NADK: variants seen among roughly 807,000 people sequenced by gnomAD.
NADK encodes the protein NAD kinase.
A neutral mutation model predicts 49.8 loss-of-function variants in NADK; 22 were observed. The observed-to-expected ratio is 0.44, with a 90% CI of 0.32 to 0.63. The LOEUF (loss-of-function observed/expected upper bound fraction) is 0.63, where lower values mean the gene tolerates loss of function less well. Ranked by LOEUF, NADK falls within the 30% of genes least tolerant of loss-of-function variation. NADK has a pLI of 0.06. For missense variants in NADK, 438 were observed against 609.4 expected, an observed-to-expected ratio of 0.72 and a Z score of 2.96; for synonymous variants, 268 against 253.7, an observed-to-expected ratio of 1.06 and a Z score of -0.54.
chr1:1,770,044 G>A (rs1646001687), intron 1 of NADK, among the ~76,000 whole-genome samples: 1 of 152,132 alleles, frequency 6.6e-6, no homozygotes, highest in East Asian at 1.9e-4. Context: ...GTGGGCACCT[G>A]TAACTCCAGC....
In NADK at chr1:1,771,802, AT is replaced by A. The variant is rs199519336; in HGVS notation, c.-40-6357del. On this transcript the variant is annotated intron_variant, in intron 1 of 11. Transcript: ENST00000341426. ...AACTTTTTAGAAGAAAGCACTGGAA[AT>A]TTTTTTTTTTTTGTCTTTTTGTGAG... Among the ~76,000 whole-genome samples, 1,421 of 146,918 alleles carry A rather than the reference AT, an allele frequency of 9.7e-3. 26 individuals are homozygous for A. Among genetic ancestry groups the A allele is most frequent in the African/African-American group, 0.032 (1,273 of 40,180 alleles).
chr1:1,762,944 T>C (rs1645773310), intron 2 of NADK, among the ~76,000 whole-genome samples: 1 of 152,244 alleles, frequency 6.6e-6, no homozygotes, highest in South Asian at 2.1e-4. Context: ...GGTCCAGCAC[T>C]GAGGCTGCCC....
intron 1 of NADK, among the ~76,000 whole-genome samples, chr1:1,767,260 G>A (rs1301671232): frequency 6.6e-6 from 1 of 152,172 alleles, no homozygotes; most frequent in East Asian, 1.9e-4. Context: ...ACCAGGAAGA[G>A]ATAGAAACAA....
intron 2 of NADK, among the ~76,000 whole-genome samples, chr1:1,762,486 T>C (rs1047914346): frequency 7.9e-5 from 12 of 152,230 alleles, no homozygotes; most frequent in Non-Finnish European, 1.5e-4. Context: ...CCGGGCGCAG[T>C]GGCTCACACT....
At position 1,761,827 on chromosome 1, in the gene NADK, C is replaced by T. The variant is rs530942459; in HGVS notation, c.263+125G>A. The T allele has an allele frequency of 1.3e-3, 1,062 of 821,758 alleles. 4 individuals carry two copies. In the Middle Eastern group the frequency reaches 0.015, roughly 12 times the overall value. The allele number at this position is 821,758 out of a possible 1,614,324, so 50.9% of individuals were successfully genotyped here. A position where few individuals can be genotyped will look rare whatever the true frequency, so the allele number is the denominator to read the frequency against. On this transcript the variant is annotated intron_variant, in intron 3 of 11. Coordinates refer to ENST00000341426, the MANE Select transcript of NADK (RefSeq NM_023018.5). ...TGAAGTGCTAGAATCTTCCTCAACA[C>T]AGCGATCCCACAACTCCACACACAT...
chr1:1,773,292 G>A (rs564970964), intron 1 of NADK, among the ~76,000 whole-genome samples: 2 of 150,628 alleles, frequency 1.3e-5, no homozygotes, highest in African/African-American at 4.9e-5. Flanking sequence ...GGTGCCCGCC[G>A]CCACACCCGG....
chr1:1,759,143 T>C (rs1378004763), intron 3 of NADK: 1 of 1,556,078 alleles, frequency 6.4e-7, no homozygotes, highest in South Asian at 1.2e-5. Flanking sequence ...GAGGCTCAGC[T>C]GAGCCCAGCC....
intron 1 of NADK, among the ~76,000 whole-genome samples, chr1:1,771,099 TA>T (rs1646039313): frequency 6.8e-6 from 1 of 146,576 alleles, no homozygotes; most frequent in South Asian, 2.1e-4. Context: ...CATATATTAT[TA>T]AAAATATATA....
chr1:1,767,059 C>A (rs151204494), intron 1 of NADK, among the ~76,000 whole-genome samples: 1 of 152,148 alleles, frequency 6.6e-6, no homozygotes, highest in East Asian at 1.9e-4. Context: ...GGACTACAGG[C>A]GTGCGCCACC....
At chr1:1,762,920 G>A (rs554073839) in intron 2 of NADK, among the ~76,000 whole-genome samples, 2 of 152,334 alleles carry the variant, frequency 1.3e-5, no homozygotes, top group East Asian at 3.9e-4. Context: ...TGTCAGGACC[G>A]CTGTGCTCCT....
At chr1:1,756,788 A>G in intron 4 of NADK, 180 bp from the exon 5 acceptor site, 1 of 1,113,562 alleles carries the variant, frequency 9.0e-7, no homozygotes, top group Non-Finnish European at 1.4e-6. Flanking sequence ...CCTTTAAGAG[A>G]TGACTGGGCG....
intron 1 of NADK, among the ~76,000 whole-genome samples, chr1:1,767,489 C>T (rs1645922315): frequency 6.6e-6 from 1 of 152,160 alleles, no homozygotes; most frequent in African/African-American, 2.4e-5. Context: ...ATAAAACAAG[C>T]TTCAGAAGAA....
At chr1:1,755,211 G>A (rs1645475245) in intron 7 of NADK, among the ~76,000 whole-genome samples, 163 bp downstream of exon 7, 1 of 152,224 alleles carries the variant, frequency 6.6e-6, no homozygotes, top group African/African-American at 2.4e-5. Context: ...ACTTCTCAGT[G>A]TCAGTAAAAG....
intron 1 of NADK, among the ~76,000 whole-genome samples, chr1:1,773,639 AT>A (rs1017973379): frequency 2.8e-4 from 43 of 151,694 alleles, no homozygotes; most frequent in African/African-American, 3.6e-4. Flanking sequence ...GTTAAAAAAA[AT>A]GTATTATTAC....
chr1:1,765,817 G>A (rs564871486), intron 1 of NADK, among the ~76,000 whole-genome samples: 21 of 152,192 alleles, frequency 1.4e-4, no homozygotes, highest in Non-Finnish European at 2.8e-4. Context: ...GACTGAGGCA[G>A]GAGAATCGCT....
intron 1 of NADK, among the ~76,000 whole-genome samples, chr1:1,767,959 G>A (rs1319338843): frequency 2.0e-5 from 3 of 152,070 alleles, no homozygotes; most frequent in African/African-American, 7.2e-5. Flanking sequence ...GATCATCTGA[G>A]GTCAGGAGCT....
chr1:1,753,961 G>C, intron 10 of NADK, 90 bp downstream of exon 10: 2 of 1,462,500 alleles, frequency 1.4e-6, no homozygotes, highest in South Asian at 1.3e-5. Flanking sequence ...GCTGGAGCCA[G>C]CATGGCAGAG....
intron 7 of NADK, chr1:1,755,027 G>A (rs1412370184): frequency 5.0e-5 from 20 of 397,764 alleles, no homozygotes; most frequent in Non-Finnish European, 9.1e-5. Context: ...TCACCGTGTT[G>A]GCCAGGATGG....
chr1:1,772,814 C>T (rs182082254), intron 1 of NADK, among the ~76,000 whole-genome samples: 9 of 151,400 alleles, frequency 5.9e-5, no homozygotes, highest in East Asian at 2.0e-4. Flanking sequence ...CCAAGGCGGG[C>T]GGATCACCTG....
Sources: allele counts gnomAD v4.1 joint callset (sites outside exome capture counted in the v4.1 genomes callset), GRCh38; gene constraint gnomAD v4.1.1; transcripts MANE v1.5; gene names NCBI Gene and HGNC (gene_info 2026-07-23, HGNC 2026-07-21).